MEOX2: variants seen among roughly 807,000 people sequenced by gnomAD.
MEOX2 encodes the protein homeobox protein MOX-2.
In MEOX2, 11 loss-of-function variants were observed where a neutral mutation model predicts 27.0. The observed-to-expected ratio is 0.41, with a 90% CI of 0.26 to 0.68. The LOEUF (loss-of-function observed/expected upper bound fraction) is 0.68. Ranked by LOEUF, MEOX2 falls within the 30% of genes least tolerant of loss-of-function variation. The pLI is 0.33. For synonymous variants in MEOX2, 189 were observed against 155.4 expected (o/e 1.22, Z -1.61); for missense variants, 436 against 385.4 (o/e 1.13, Z -1.10).
intron 1 of MEOX2, among the ~76,000 whole-genome samples, chr7:15,633,579 A>T (rs550872257): frequency 6.6e-6 from 1 of 152,022 alleles, no homozygotes; most frequent in Non-Finnish European, 1.5e-5. Context: ...TGCAACAGGA[A>T]AACTTCCATG....
intron 1 of MEOX2, among the ~76,000 whole-genome samples, chr7:15,658,449 G>T (rs939996405): frequency 1.3e-5 from 2 of 152,152 alleles, no homozygotes; most frequent in Non-Finnish European, 2.9e-5. Flanking sequence ...TCTAAAAACA[G>T]CAAACATCTG....
rs114066278 is a variant in MEOX2, at chr7:15,662,467, T to G, written c.517+23419A>C. 3.8e-3 allele frequency among the ~76,000 whole-genome samples: 580 copies of G among 152,054 alleles called. 4 individuals carry two copies. Among genetic ancestry groups the G allele is most frequent in the African/African-American group, 0.013 (557 of 41,474 alleles). On this transcript the variant is annotated intron_variant, in intron 1 of 2. Transcript: ENST00000262041. ...TCAGCTGCACAATAGTCTAATGAGA[T>G]TTGAACTGTCAGCAGAACAGAACTT...
rs186976944 is a variant in MEOX2 at position 15,661,347 on chromosome 7, G to A, written c.517+24539C>T. Among the ~76,000 whole-genome samples, 540 of 152,270 alleles carry A rather than the reference G, an allele frequency of 3.5e-3. 4 individuals are homozygous for A. Among genetic ancestry groups the A allele is most frequent in the Non-Finnish European group, 6.1e-3 (415 of 68,024 alleles). On this transcript the variant is annotated intron_variant, in intron 1 of 2. Transcript: ENST00000262041. ...TAGCGCTAAGCTAATTATGGTTTAA[G>A]AGAGGGATATTCAAAGTTTCTCAAT...
chr7:15,680,291 T>C (rs562437765), intron 1 of MEOX2: 1 of 151,962 alleles, frequency 6.6e-6, no homozygotes, highest in Non-Finnish European at 1.5e-5. Context: ...TTTTGTATCA[T>C]AAAATACTAT....
intron 1 of MEOX2, among the ~76,000 whole-genome samples, chr7:15,641,146 C>A (rs936282051): frequency 4.6e-5 from 7 of 151,758 alleles, no homozygotes; most frequent in Admixed American, 1.3e-4. Context: ...TCCATTTGGC[C>A]CTGGGCTTTT....
chr7:15,675,287 C>T (rs1413546488), intron 1 of MEOX2, among the ~76,000 whole-genome samples: 1 of 151,958 alleles, frequency 6.6e-6, no homozygotes, highest in Non-Finnish European at 1.5e-5. Flanking sequence ...AAAATTGAAG[C>T]TAAGAAAGTT....
intron 2 of MEOX2, among the ~76,000 whole-genome samples, chr7:15,617,749 ATCC>A (rs1389436352): frequency 6.6e-6 from 1 of 152,056 alleles, no homozygotes; most frequent in Non-Finnish European, 1.5e-5. Flanking sequence ...TCTCACCTTT[ATCC>A]ACTGATTTAG....
intron 1 of MEOX2, among the ~76,000 whole-genome samples, chr7:15,637,754 C>CGT: frequency 6.6e-6 from 1 of 151,848 alleles, no homozygotes; most frequent in East Asian, 1.9e-4. Flanking sequence ...GCTTTGAAGC[C>CGT]AGCAGACTTG....
rs561910689 is a variant in MEOX2, at chr7:15,633,538, T to G, written c.518-6620A>C. Among the ~76,000 whole-genome samples the G allele has an allele frequency of 2.6e-5, 4 of 151,988 alleles. No individual in the cohort carries two copies. In the South Asian group the frequency reaches 8.3e-4, roughly 32 times the overall value. On this transcript the variant is annotated intron_variant, in intron 1 of 2. Transcript: ENST00000262041. ...TGATGCCAGAAAATTCAGCACCAAT[T>G]CTGCCGGTAGTGCAGTAAAACCCTT...
At position 15,620,126 on chromosome 7, in the gene MEOX2, T is replaced by C. The variant is rs565811275; in HGVS notation, c.690+6620A>G. ...TAAAATCCCCTCTCATATCCCATCGTCAACTCTTTTACCCTTTACTCTCCC... is the reference window on the plus strand; with the variant it reads ...TAAAATCCCCTCTCATATCCCATCGCCAACTCTTTTACCCTTTACTCTCCC... On this transcript the variant is annotated intron_variant, in intron 2 of 2. Transcript: ENST00000262041. Among the ~76,000 whole-genome samples the C allele has an allele frequency of 1.1e-4, 17 of 152,238 alleles. No individual in the cohort carries two copies. The South Asian group carries it at 3.1e-3, about 28-fold the overall frequency.
chr7:15,630,444 A>G (rs1017369549), intron 1 of MEOX2, among the ~76,000 whole-genome samples: 1 of 152,076 alleles, frequency 6.6e-6, no homozygotes, highest in African/African-American at 2.4e-5. Flanking sequence ...GCAAAAGAGA[A>G]ATAAAAGTAC....
intron 1 of MEOX2, among the ~76,000 whole-genome samples, chr7:15,641,842 A>G (rs1370064986): frequency 2.0e-5 from 3 of 152,094 alleles, no homozygotes; most frequent in Non-Finnish European, 4.4e-5. Context: ...TGCTTGTTTG[A>G]AAAAAATATT....
At position 15,612,529 on chromosome 7, in the gene MEOX2, T is replaced by A; in HGVS notation, c.773A>T (p.Glu258Val). ...TGTTCCCTTTTTCACATTCACCAGT[T>A]CCTTTTCCCGAGCCGCAGCTCCTTG... ...GQQGAAAREK[E>V]LVNVKKGTLL... is the part of the protein sequence containing the mutation. The change falls in exon 3 of 3, where the codon GAA (glutamate) becomes GTA (valine). Residue 258 changes from glutamate to valine, a missense_variant. By Grantham distance (121) the Glu-to-Val change is moderately radical. Coordinates refer to ENST00000262041, the MANE Select transcript of MEOX2 (RefSeq NM_005924.5). 2 of 1,614,158 alleles carry A rather than the reference T, an allele frequency of 1.2e-6. No homozygotes were observed. The highest frequency in any genetic ancestry group is 1.3e-5 in the African/African-American group (1 of 75,046).
At chr7:15,650,654 A>G (rs1383711671) in intron 1 of MEOX2, among the ~76,000 whole-genome samples, 3 of 152,096 alleles carry the variant, frequency 2.0e-5, no homozygotes. Flanking sequence ...TAAGGATCAT[A>G]TCATTGTATA....
chr7:15,686,283 C>T lies in MEOX2; in HGVS notation c.120G>A (p.Glu40=). The T allele has an allele frequency of 6.2e-7, 1 of 1,612,354 alleles. No homozygotes were observed. Among genetic ancestry groups the T allele is most frequent in the Non-Finnish European group, 8.5e-7 (1 of 1,179,204 alleles). The stretch of plus-strand genomic sequence containing the variant: ...TGCAAGATGAGGAAGAAGTAGAGAG[C>T]TCGGGGTAAGACATATGGTCAGATC... ...HGRSDHMSYP[E]LSTSSSSCII... is the part of the protein sequence containing the mutation. Residue 40 remains glutamate, a synonymous_variant, in exon 1 of 3, where the codon GAG becomes GAA. Coordinates refer to ENST00000262041, the MANE Select transcript of MEOX2 (RefSeq NM_005924.5).
intron 1 of MEOX2, among the ~76,000 whole-genome samples, chr7:15,637,524 A>C (rs1217998611): frequency 6.6e-6 from 1 of 151,586 alleles, no homozygotes; most frequent in Non-Finnish European, 1.5e-5. Context: ...ATACACACAC[A>C]CACACACGCA....
At chr7:15,672,091 T>C (rs921413281) in intron 1 of MEOX2, among the ~76,000 whole-genome samples, 1 of 149,432 alleles carries the variant, frequency 6.7e-6, no homozygotes, top group African/African-American at 2.5e-5. Flanking sequence ...AGACTCCGTT[T>C]AAAAAAAAAC....
chr7:15,632,810 G>C (rs1781423299), intron 1 of MEOX2, among the ~76,000 whole-genome samples: 1 of 151,860 alleles, frequency 6.6e-6, no homozygotes, highest in South Asian at 2.1e-4. Flanking sequence ...ACAGAGCCCA[G>C]AATTGACTTT....
intron 2 of MEOX2, among the ~76,000 whole-genome samples, chr7:15,619,039 T>G (rs5015943): frequency 0.67 from 101,963 of 151,588 alleles, 34,519 homozygotes; most frequent in East Asian, 0.81. Flanking sequence ...TGGTACAAAG[T>G]CGTTTATAGT....
Sources: gnomAD v4.1 joint callset for allele counts (sites outside exome capture counted in the v4.1 genomes callset) on GRCh38, gnomAD v4.1.1 for gene constraint, MANE v1.5 for transcripts, NCBI Gene and HGNC (gene_info 2026-07-23, HGNC 2026-07-21) for gene names.